PDE8B: variants seen among roughly 807,000 people sequenced by gnomAD.
PDE8B encodes the protein phosphodiesterase 8B, also known as high affinity cAMP-specific and IBMX-insensitive 3',5'-cyclic phosphodiesterase 8B.
A neutral mutation model predicts 101.3 loss-of-function variants in PDE8B; 26 were observed. The observed-to-expected ratio is 0.26, with a 90% CI of 0.19 to 0.36. The LOEUF is 0.36. Among genes scored for constraint, PDE8B ranks in the 10% least tolerant of loss-of-function variants. The pLI, the probability that PDE8B is intolerant of heterozygous loss-of-function variation, is 1.00. For missense variants in PDE8B, 810 were observed against 1,163.1 expected, an observed-to-expected ratio of 0.70 and a Z score of 4.42; for synonymous variants, 424 against 429.3, an observed-to-expected ratio of 0.99 and a Z score of 0.15.
At chr5:77,336,328 C>A (rs533989736) in intron 5 of PDE8B, among the ~76,000 whole-genome samples, 98 of 152,294 alleles carry the variant, frequency 6.4e-4, no homozygotes, top group Non-Finnish European at 1.2e-3. Flanking sequence ...GCAAAACAAA[C>A]AAGCAAAAAG....
In PDE8B at chr5:77,337,327, A is replaced by T; in HGVS notation, c.797+12A>T. The T allele has an allele frequency of 1.5e-6, 2 of 1,305,518 alleles. No individual in the cohort carries two copies. Among genetic ancestry groups the T allele is most frequent in the Non-Finnish European group, 2.2e-6 (2 of 901,906 alleles). 80.9% of individuals were successfully genotyped at this position (1,305,518 alleles called of 1,614,324 possible). A position where few individuals can be genotyped will look rare whatever the true frequency, so the allele number is the denominator to read the frequency against. ...CAGTTCAAATTACGGTATGTAGCAAAATGATACAGTAACATGAGGTTAACA... is the reference window on the plus strand; with the variant it reads ...CAGTTCAAATTACGGTATGTAGCAATATGATACAGTAACATGAGGTTAACA... On this transcript the variant is annotated intron_variant, in intron 6 of 21. Coordinates refer to ENST00000264917, the MANE Select transcript of PDE8B (RefSeq NM_003719.5).
chr5:77,379,272 T>TA (rs1255287268), intron 10 of PDE8B, among the ~76,000 whole-genome samples: 1 of 152,178 alleles, frequency 6.6e-6, no homozygotes, highest in African/African-American at 2.4e-5. Flanking sequence ...CAGAAGAAGA[T>TA]AAATCTCTGC....
At chr5:77,392,156 G>C (rs912033663) in intron 10 of PDE8B, among the ~76,000 whole-genome samples, 22 of 152,104 alleles carry the variant, frequency 1.4e-4, no homozygotes, top group African/African-American at 5.3e-4. Context: ...CAGAAGAGTT[G>C]GTAGAAAATC....
At chr5:77,312,305 T>C (rs1205606135) in intron 2 of PDE8B, among the ~76,000 whole-genome samples, 3 of 152,122 alleles carry the variant, frequency 2.0e-5, no homozygotes, top group East Asian at 3.9e-4. Context: ...GGTTTCACCA[T>C]GTTGGCCAGA....
chr5:77,197,540 T>TTA, the PDE8B span, among the ~76,000 whole-genome samples: 391 of 152,146 alleles, frequency 2.6e-3, no homozygotes, highest in Non-Finnish European at 3.4e-3. Context: ...TTTTTTCCCC[T>TTA]AGTTTCTTAA....
At chr5:77,420,452 C>CTAA (rs1177797364) in intron 19 of PDE8B, among the ~76,000 whole-genome samples, 1 of 151,012 alleles carries the variant, frequency 6.6e-6, no homozygotes, top group African/African-American at 2.4e-5. Flanking sequence ...AGGTTCACAC[C>CTAA]TAATAAGATC....
chr5:77,331,301 G>A (rs1777074016), intron 4 of PDE8B, 101 bp from the exon 5 acceptor site: 2 of 1,033,970 alleles, frequency 1.9e-6, no homozygotes, highest in African/African-American at 1.6e-5. Context: ...AGCCACTCTT[G>A]GAGCTAACGC....
the PDE8B span, among the ~76,000 whole-genome samples, chr5:77,176,266 G>T: frequency 6.6e-6 from 1 of 152,114 alleles, no homozygotes; most frequent in Non-Finnish European, 1.5e-5. Context: ...GGGTGAAGTT[G>T]GTTTTGTTGC....
intron 1 of PDE8B, among the ~76,000 whole-genome samples, chr5:77,308,076 G>A (rs1771659610): frequency 6.6e-6 from 1 of 152,276 alleles, no homozygotes; most frequent in South Asian, 2.1e-4. Context: ...GCAGTTAGAC[G>A]CCTGTGTCAG....
At chr5:77,286,455 G>A (rs925493371) in intron 1 of PDE8B, among the ~76,000 whole-genome samples, 3 of 152,224 alleles carry the variant, frequency 2.0e-5, no homozygotes, top group Admixed American at 6.5e-5. Flanking sequence ...ATGCCGTGGT[G>A]TGACTGTGGC....
At chr5:77,237,751 T>C (rs927050435) in intron 1 of PDE8B, among the ~76,000 whole-genome samples, 3 of 152,206 alleles carry the variant, frequency 2.0e-5, no homozygotes, top group Admixed American at 6.5e-5. Flanking sequence ...CTGAAAGCTT[T>C]TCTTTAGAAT....
intron 7 of PDE8B, among the ~76,000 whole-genome samples, chr5:77,347,886 G>A (rs938082203): frequency 1.3e-5 from 2 of 152,154 alleles, no homozygotes; most frequent in Non-Finnish European, 2.9e-5. Context: ...AGGTGGCCCC[G>A]GGAGGTATGA....
intron 2 of PDE8B, among the ~76,000 whole-genome samples, chr5:77,318,245 A>G (rs1774273576): frequency 6.6e-6 from 1 of 152,146 alleles, no homozygotes; most frequent in Non-Finnish European, 1.5e-5. Context: ...GTTCAGACTC[A>G]GTAACTTGCT....
At chr5:77,091,732 A>G in the PDE8B span, among the ~76,000 whole-genome samples, 1 of 152,234 alleles carries the variant, frequency 6.6e-6, no homozygotes, top group Non-Finnish European at 1.5e-5. Context: ...TCATGTTTCA[A>G]TATTTGAACA....
At chr5:77,411,575 G>T in intron 14 of PDE8B, 101 bp from the exon 15 acceptor site, 1 of 906,154 alleles carries the variant, frequency 1.1e-6, no homozygotes, top group Non-Finnish European at 1.8e-6. Context: ...CAGATTGGTT[G>T]GGTTATTCAG....
At chr5:77,269,523 G>A (rs1762370900) in intron 1 of PDE8B, among the ~76,000 whole-genome samples, 1 of 152,064 alleles carries the variant, frequency 6.6e-6, no homozygotes, top group South Asian at 2.1e-4. Flanking sequence ...CTGTGCTTGT[G>A]GGGTATTACT....
At chr5:77,320,923 TAA>T (rs1469088473) in intron 2 of PDE8B, among the ~76,000 whole-genome samples, 13 of 152,274 alleles carry the variant, frequency 8.5e-5, no homozygotes, top group Admixed American at 1.3e-4. Context: ...ATGCATTACT[TAA>T]GTTTTGTTTT....
At chr5:77,097,693 C>CTATCTATCTATA in the PDE8B span, among the ~76,000 whole-genome samples, 2 of 30,210 alleles carry the variant, frequency 6.6e-5, no homozygotes, top group African/African-American at 2.1e-4. Flanking sequence ...TTTTATATAT[C>CTATCTATCTATA]TATATATATA....
chr5:77,227,098 A>C (rs1252025629), intron 1 of PDE8B, among the ~76,000 whole-genome samples: 1 of 152,174 alleles, frequency 6.6e-6, no homozygotes, highest in Admixed American at 6.5e-5. Context: ...TAGAGCTTAG[A>C]GCATAATTGT....
Sources: gnomAD v4.1 joint callset for allele counts (sites outside exome capture counted in the v4.1 genomes callset) on GRCh38, gnomAD v4.1.1 for gene constraint, MANE v1.5 for transcripts, NCBI Gene and HGNC (gene_info 2026-07-23, HGNC 2026-07-21) for gene names.